Variants in CTIF observed in about 807,000 individuals in gnomAD.
CTIF encodes cap binding complex dependent translation initiation factor, also known as CBP80/20-dependent translation initiation factor.
A neutral mutation model predicts 66.0 loss-of-function variants in CTIF; 21 were observed. That is an observed-to-expected ratio of 0.32 (90% CI 0.23 to 0.46). The LOEUF is 0.46. Ranked by LOEUF, CTIF falls within the 20% of genes least tolerant of loss-of-function variation. The pLI, the probability that CTIF is intolerant of heterozygous loss-of-function variation, is 1.00. For missense variants in CTIF, 739 were observed against 812.7 expected, an observed-to-expected ratio of 0.91 and a Z score of 1.10; for synonymous variants, 345 against 326.4, an observed-to-expected ratio of 1.06 and a Z score of -0.62.
intron 3 of CTIF, among the ~76,000 whole-genome samples, chr18:48,663,241 C>T (rs907070321): frequency 3.9e-5 from 6 of 152,182 alleles, no homozygotes; most frequent in Non-Finnish European, 8.8e-5. Context: ...AGGTTTCTGT[C>T]TCTGGGGTGG....
intron 9 of CTIF, among the ~76,000 whole-genome samples, chr18:48,790,680 C>T (rs753370854): frequency 6.6e-6 from 1 of 152,240 alleles, no homozygotes; most frequent in Non-Finnish European, 1.5e-5. Flanking sequence ...ACGTGACCGG[C>T]AGCCTTCATT....
At chr18:48,556,471 C>G (rs2089024039) in intron 1 of CTIF, among the ~76,000 whole-genome samples, 1 of 152,228 alleles carries the variant, frequency 6.6e-6, no homozygotes, top group Non-Finnish European at 1.5e-5. Context: ...CAGTGATTCA[C>G]AGGTGCACAG....
At chr18:48,829,154 G>C (rs1311080270) in intron 10 of CTIF, among the ~76,000 whole-genome samples, 2 of 152,190 alleles carry the variant, frequency 1.3e-5, no homozygotes, top group Non-Finnish European at 2.9e-5. Flanking sequence ...CCTTGCCAGA[G>C]TTGTGGGTAC....
rs28566797 is a variant in CTIF at position 48,750,909 on chromosome 18, T to C, written c.585-7010T>C. Reference sequence around the variant, plus strand: ...TACACTCTCAGAACACTCAGTGTGGTGGCTGAGGGCACACATTCGGGGCCA... The same window carrying C: ...TACACTCTCAGAACACTCAGTGTGGCGGCTGAGGGCACACATTCGGGGCCA... On this transcript the variant is annotated intron_variant, in intron 7 of 11. Coordinates refer to ENST00000256413, the MANE Select transcript of CTIF (RefSeq NM_014772.3). Among the ~76,000 whole-genome samples, 823 of 152,306 alleles carry C rather than the reference T, an allele frequency of 5.4e-3. 12 individuals carry two copies. The highest frequency in any genetic ancestry group is 0.018 in the African/African-American group (748 of 41,558).
chr18:48,786,838 A>G (rs1911753147), intron 9 of CTIF, among the ~76,000 whole-genome samples: 1 of 151,658 alleles, frequency 6.6e-6, no homozygotes, highest in Admixed American at 6.6e-5. Flanking sequence ...CATGGTCATT[A>G]CCACCCTTCC....
intron 9 of CTIF, among the ~76,000 whole-genome samples, chr18:48,780,930 A>AT (rs1331840351): frequency 2.0e-5 from 3 of 152,168 alleles, no homozygotes; most frequent in African/African-American, 7.2e-5. Flanking sequence ...CTCCTCTGTC[A>AT]TCCCATCCCC....
intron 7 of CTIF, among the ~76,000 whole-genome samples, chr18:48,725,245 G>A (rs1343496839): frequency 1.3e-5 from 2 of 152,142 alleles, no homozygotes; most frequent in African/African-American, 2.4e-5. Flanking sequence ...AGGCTGGGGT[G>A]AGACACTTAG....
chr18:48,857,097 G>A (rs547311597), intron 10 of CTIF, among the ~76,000 whole-genome samples: 5 of 152,338 alleles, frequency 3.3e-5, no homozygotes, highest in Admixed American at 1.3e-4. Flanking sequence ...CACTGGGCCA[G>A]TGGAGAAGAG....
chr18:48,810,164 G>A (rs188606234), intron 9 of CTIF, among the ~76,000 whole-genome samples: 8 of 152,072 alleles, frequency 5.3e-5, no homozygotes, highest in African/African-American at 1.7e-4. Flanking sequence ...TTTATACTAA[G>A]CCTTTGAAAA....
chr18:48,670,800 C>G (rs2091521290), intron 6 of CTIF, 56 bp downstream of exon 6: 2 of 1,454,426 alleles, frequency 1.4e-6, no homozygotes, highest in Non-Finnish European at 1.9e-6. Context: ...AGTCCTGATC[C>G]TCTTCCTGGA....
In CTIF at chr18:48,775,800, G is replaced by GA. The variant is rs575211115; in HGVS notation, c.1371+14111_1371+14112insA. Among the ~76,000 whole-genome samples, 285 of 152,344 alleles carry GA rather than the reference G, an allele frequency of 1.9e-3. 1 individual carries two copies. The highest frequency in any genetic ancestry group is 1.7e-3 in the Non-Finnish European group (113 of 68,022). On this transcript the variant is annotated intron_variant, in intron 9 of 11. Coordinates refer to ENST00000256413, the MANE Select transcript of CTIF (RefSeq NM_014772.3). ...ACAACAAGAGGATCTGTAAGTGGCA[G>GA]GACCCTTTGAGGGACTGGGGGTTGC...
chr18:48,781,048 C>T (rs980580968), intron 9 of CTIF, among the ~76,000 whole-genome samples: 4 of 152,210 alleles, frequency 2.6e-5, no homozygotes, highest in African/African-American at 4.8e-5. Flanking sequence ...CCTGCCTTCA[C>T]GGAGCTTCTG....
At chr18:48,805,600 A>G (rs955271845) in intron 9 of CTIF, among the ~76,000 whole-genome samples, 4 of 152,210 alleles carry the variant, frequency 2.6e-5, no homozygotes, top group Non-Finnish European at 5.9e-5. Context: ...GAAGGGGGAA[A>G]AAAAATCCAA....
chr18:48,544,263 C>T (rs1046351914), intron 1 of CTIF, among the ~76,000 whole-genome samples: 2 of 152,216 alleles, frequency 1.3e-5, no homozygotes. Flanking sequence ...CAAATTATCC[C>T]ATCTGCCTTT....
chr18:48,827,816 C>T (rs1257070960), intron 10 of CTIF, among the ~76,000 whole-genome samples: 1 of 152,188 alleles, frequency 6.6e-6, no homozygotes, highest in Non-Finnish European at 1.5e-5. Flanking sequence ...CGCTTTGTCC[C>T]CTCCAGAGCT....
Position 48,626,000 on chromosome 18 carries a change from C to CTTTTTTTTTTTTTTTTTTTTTT in CTIF, c.180+6274_180+6275insTTTTTTTTTTTTTTTTTTTTTT, listed in dbSNP as rs74174709. On this transcript the variant is annotated intron_variant, in intron 2 of 11. Transcript: ENST00000256413. ...CACATTGTCTTATTTCTTTTTCTTT[C>CTTTTTTTTTTTTTTTTTTTTTT]TTTTTTTTTTTTTTTTTTTGAGATG... Among the ~76,000 whole-genome samples the CTTTTTTTTTTTTTTTTTTTTTT allele has an allele frequency of 1.5e-4, 16 of 109,166 alleles. 1 individual carries two copies. Among genetic ancestry groups the CTTTTTTTTTTTTTTTTTTTTTT allele is most frequent in the South Asian group, 9.6e-4 (3 of 3,116 alleles). 71.6% of individuals were successfully genotyped at this position (109,166 alleles called of 152,430 possible).
intron 1 of CTIF, among the ~76,000 whole-genome samples, chr18:48,574,565 C>T (rs1331455042): frequency 6.6e-6 from 1 of 152,190 alleles, no homozygotes; most frequent in African/African-American, 2.4e-5. Context: ...TGGGACCCTC[C>T]ATTCTTCTCT....
intron 6 of CTIF, among the ~76,000 whole-genome samples, chr18:48,699,912 A>G (rs1439829035): frequency 6.6e-6 from 1 of 152,244 alleles, no homozygotes; most frequent in Non-Finnish European, 1.5e-5. Context: ...GGGCACCTGG[A>G]TCTGCATTGC....
chr18:48,612,391 G>A (rs556369875), intron 1 of CTIF, among the ~76,000 whole-genome samples: 4 of 152,236 alleles, frequency 2.6e-5, no homozygotes, highest in African/African-American at 9.6e-5. Flanking sequence ...CTGCAAGGGA[G>A]AATTCTAGCC....
Sources: allele counts gnomAD v4.1 joint callset (sites outside exome capture counted in the v4.1 genomes callset), GRCh38; gene constraint gnomAD v4.1.1; transcripts MANE v1.5; gene names NCBI Gene and HGNC (gene_info 2026-07-23, HGNC 2026-07-21).